TCF7L2: variants seen among roughly 807,000 people sequenced by gnomAD.
TCF7L2 encodes the protein transcription factor 7-like 2.
In TCF7L2, 23 loss-of-function variants were observed where a neutral mutation model predicts 77.9. That is an observed-to-expected ratio of 0.30 (90% CI 0.21 to 0.42). TCF7L2 has a LOEUF of 0.42. TCF7L2 is among the 10% of genes least tolerant of loss of function. TCF7L2 has a pLI of 1.00. For synonymous variants in TCF7L2, 413 were observed against 340.2 expected (o/e 1.21, Z -2.36); for missense variants, 654 against 793.1 (o/e 0.82, Z 2.11).
intron 4 of TCF7L2, among the ~76,000 whole-genome samples, chr10:113,025,218 ATTTTTTTTT>A (rs35779425): frequency 1.0e-5 from 1 of 98,980 alleles, no homozygotes; most frequent in African/African-American, 4.6e-5. Flanking sequence ...CTGTGACTGG[ATTTTTTTTT>A]TTTTTTTTTT....
intron 6 of TCF7L2, among the ~76,000 whole-genome samples, chr10:113,141,991 C>G (rs759645128): frequency 1.1e-4 from 16 of 152,106 alleles, no homozygotes; most frequent in South Asian, 2.1e-4. Context: ...TGCTTTTCAA[C>G]GTCTTTTTGT....
At chr10:113,102,459 C>T (rs1156622151) in intron 5 of TCF7L2, among the ~76,000 whole-genome samples, 22 of 149,206 alleles carry the variant, frequency 1.5e-4, no homozygotes, top group Admixed American at 1.5e-3. Context: ...GAGTCTCGCT[C>T]TGTCGCCGAG....
Position 113,151,594 on chromosome 10 carries a change from C to A in TCF7L2, c.1002-131C>A. ...TTCCATTTTCCGGGGTGCAGAAGAACTAAAAGCATGCTTTTTAATCCAAAA... is the reference window on the plus strand; with the variant it reads ...TTCCATTTTCCGGGGTGCAGAAGAAATAAAAGCATGCTTTTTAATCCAAAA... On this transcript the variant is annotated intron_variant, in intron 9 of 13. Transcript: ENST00000627217. The surrounding 1 kb of genome is among the most constrained non-coding windows in gnomAD (Gnocchi z 5.2). The A allele has an allele frequency of 8.3e-7, 1 of 1,210,662 alleles. No individual in the cohort carries two copies. The highest frequency in any genetic ancestry group is 1.1e-6 in the Non-Finnish European group (1 of 900,014). The allele number at this position is 1,210,662 out of a possible 1,614,324, so 75.0% of individuals were successfully genotyped here. A position where few individuals can be genotyped will look rare whatever the true frequency, so the allele number is the denominator to read the frequency against.
chr10:113,111,480 C>T (rs1050826696), intron 5 of TCF7L2, among the ~76,000 whole-genome samples: 2 of 152,178 alleles, frequency 1.3e-5, no homozygotes, highest in Non-Finnish European at 2.9e-5. Context: ...AATTCCTCCT[C>T]CTCATTTTCA....
chr10:112,996,974 A>G (rs1256874074), intron 4 of TCF7L2, among the ~76,000 whole-genome samples: 1 of 152,168 alleles, frequency 6.6e-6, no homozygotes, highest in Non-Finnish European at 1.5e-5. Flanking sequence ...GTGGAAAGTG[A>G]TGTTGGTGTG....
At chr10:113,111,038 C>CTT (rs60667705) in intron 5 of TCF7L2, among the ~76,000 whole-genome samples, 2 of 146,030 alleles carry the variant, frequency 1.4e-5, no homozygotes, top group African/African-American at 5.1e-5. Context: ...TTTGGGATTC[C>CTT]TTTTTTTTTT....
rs780115605 is a variant in TCF7L2, at chr10:113,165,579, C to T, written c.1416C>T (p.Tyr472=). 1 of 1,614,096 alleles carries T rather than the reference C, an allele frequency of 6.2e-7. No individual in the cohort carries two copies. Among genetic ancestry groups the T allele is most frequent in the Non-Finnish European group, 8.5e-7 (1 of 1,179,990 alleles). ...GGAGAAAAAAAAAGTGCGTTCGCTA[C>T]ATACAAGGTGAAGGCAGCTGCCTCA... is the stretch of plus-strand genomic sequence containing the variant. The change falls in exon 14 of 14, where the codon TAC becomes TAT. Residue 472 remains tyrosine (Y), a synonymous_variant. Transcript: ENST00000627217.
intron 4 of TCF7L2, among the ~76,000 whole-genome samples, chr10:113,015,945 G>A (rs950497018): frequency 6.6e-6 from 1 of 152,316 alleles, no homozygotes; most frequent in South Asian, 2.1e-4. Context: ...GCAAGGTTGC[G>A]GCTGCCATTC....
At chr10:112,990,170 A>T (rs1014593455) in intron 4 of TCF7L2, among the ~76,000 whole-genome samples, 1 of 152,204 alleles carries the variant, frequency 6.6e-6, no homozygotes, top group Admixed American at 6.5e-5. Flanking sequence ...GACACATAGC[A>T]GTGGGGACCA....
intron 11 of TCF7L2, among the ~76,000 whole-genome samples, chr10:113,155,637 C>T (rs1166231602): frequency 2.6e-5 from 4 of 152,184 alleles, no homozygotes; most frequent in Non-Finnish European, 5.9e-5. Flanking sequence ...GAATTGGAAA[C>T]GGGGATGCTT....
intron 4 of TCF7L2, among the ~76,000 whole-genome samples, chr10:112,985,860 T>G (rs1396680238): frequency 1.4e-5 from 2 of 146,706 alleles, no homozygotes; most frequent in East Asian, 4.1e-4. Context: ...AGCCTGTAGT[T>G]TGTGTGTGTG....
intron 4 of TCF7L2, among the ~76,000 whole-genome samples, chr10:112,969,312 C>A (rs2037713788): frequency 6.6e-6 from 1 of 152,148 alleles, no homozygotes; most frequent in Non-Finnish European, 1.5e-5. Flanking sequence ...TTTTGGGTAG[C>A]AATGGTTTGC....
intron 5 of TCF7L2, among the ~76,000 whole-genome samples, chr10:113,117,659 A>C (rs1480785324): frequency 1.3e-5 from 2 of 152,234 alleles, no homozygotes; most frequent in Admixed American, 6.5e-5. Flanking sequence ...GTGCGCGCTT[A>C]GTCAATGCCG....
chr10:113,129,842 A>T (rs773508067), intron 5 of TCF7L2: 17 of 1,289,548 alleles, frequency 1.3e-5, no homozygotes, highest in Non-Finnish European at 1.6e-5. Context: ...TTAGAGGTGG[A>T]GAGAGGGAAA....
intron 4 of TCF7L2, among the ~76,000 whole-genome samples, chr10:112,978,019 G>A (rs905950405): frequency 1.3e-5 from 2 of 152,144 alleles, no homozygotes; most frequent in Non-Finnish European, 2.9e-5. Flanking sequence ...CCTGAAACCC[G>A]TATGGGCTCT....
rs142227712 is a variant in TCF7L2 at position 113,089,595 on chromosome 10, G to A, written c.552+49469G>A. 845 of 1,588,304 alleles carry A rather than the reference G, an allele frequency of 5.3e-4. 5 individuals are homozygous for A. In the African/African-American group the frequency reaches 9.7e-3, roughly 18 times the overall value. ...GATGAGCTAGCTCTAAAATGAAGCCGCCCACCCAAAGTTTACCTCTCTCTA... is the reference window on the plus strand; with the variant it reads ...GATGAGCTAGCTCTAAAATGAAGCCACCCACCCAAAGTTTACCTCTCTCTA... On this transcript the variant is annotated intron_variant, in intron 5 of 13. Coordinates refer to ENST00000627217, the MANE Select transcript of TCF7L2 (RefSeq NM_001146274.2).
chr10:113,166,238 TAA>T lies in TCF7L2; in HGVS notation c.*271_*272del, dbSNP rs1010743535. The T allele has an allele frequency of 9.3e-6, 3 of 322,116 alleles. No homozygotes were observed. The highest frequency in any genetic ancestry group is 1.7e-5 in the Non-Finnish European group (3 of 179,164). 20.0% of individuals were successfully genotyped at this position (322,116 alleles called of 1,614,324 possible). On this transcript the variant is annotated 3_prime_UTR_variant, in exon 14 of 14. Transcript: ENST00000627217. ...AGCTGTTTAAAGTCTTTGTAGCGTTTAAAAAATATATATATATACATAACTGT... is the reference window on the plus strand; with the variant it reads ...AGCTGTTTAAAGTCTTTGTAGCGTTTAAAATATATATATATACATAACTGT...
At position 113,166,571 on chromosome 10, in the gene TCF7L2, T is replaced by C. The variant is rs1209455397; in HGVS notation, c.*599T>C. On this transcript the variant is annotated 3_prime_UTR_variant, in exon 14 of 14. Coordinates refer to ENST00000627217, the MANE Select transcript of TCF7L2 (RefSeq NM_001146274.2). ...TACCTTGTTCCATGGTGTTGTTCTT[T>C]TGGGGGGAGGGGACGCTACTCAACA... 2 of 228,084 alleles carry C rather than the reference T, an allele frequency of 8.8e-6. No individual in the cohort carries two copies. Among genetic ancestry groups the C allele is most frequent in the Admixed American group, 1.1e-4 (2 of 17,638 alleles). The allele number at this position is 228,084 out of a possible 1,614,324, so 14.1% of individuals were successfully genotyped here.
At chr10:113,158,627 A>C in intron 12 of TCF7L2, 40 bp from the exon 13 acceptor site, 1 of 1,611,204 alleles carries the variant, frequency 6.2e-7, no homozygotes, top group Non-Finnish European at 8.5e-7. Context: ...AACAAAACAA[A>C]AATTTTGAAG....
Sources: gnomAD v4.1 joint callset for allele counts (sites outside exome capture counted in the v4.1 genomes callset) on GRCh38, gnomAD v4.1.1 for gene constraint, Gnocchi (gnomAD v3.1) non-coding constraint, MANE v1.5 for transcripts, NCBI Gene and HGNC (gene_info 2026-07-23, HGNC 2026-07-21) for gene names.